KIFAP3: variants seen among roughly 807,000 people sequenced by gnomAD.
The protein encoded by KIFAP3 is kinesin-associated protein 3.
KIFAP3 carries 68 observed loss-of-function variants against 106.5 expected under a neutral mutation model. That is an observed-to-expected ratio of 0.64 (90% CI 0.53 to 0.78). The LOEUF is 0.78. KIFAP3 is among the 30% of genes least tolerant of loss of function. The pLI, the probability that KIFAP3 is intolerant of heterozygous loss-of-function variation, is 0.00. For missense variants in KIFAP3, 780 were observed against 941.8 expected, an observed-to-expected ratio of 0.83 and a Z score of 2.25; for synonymous variants, 320 against 311.5, an observed-to-expected ratio of 1.03 and a Z score of -0.29.
At chr1:170,076,229 C>CA (rs1316236525), upstream of KIFAP3, among the ~76,000 whole-genome samples, 1 of 151,616 alleles carries the variant, frequency 6.6e-6, no homozygotes, top group Non-Finnish European at 1.5e-5. Context: ...ACAACAACAA[C>CA]AAAAAAACCT....
chr1:169,944,684 A>G (rs900994653), intron 19 of KIFAP3, among the ~76,000 whole-genome samples: 5 of 152,080 alleles, frequency 3.3e-5, no homozygotes, highest in African/African-American at 1.2e-4. Context: ...CTCTCAGGAG[A>G]CCCAAAGTAG....
At chr1:170,048,846 T>C (rs1477556126) in intron 2 of KIFAP3, among the ~76,000 whole-genome samples, 1 of 152,080 alleles carries the variant, frequency 6.6e-6, no homozygotes. Context: ...ATCAGGAGAA[T>C]CCTTGGTGAG....
intron 9 of KIFAP3, 141 bp from the exon 10 acceptor site, chr1:170,016,765 G>A: frequency 2.0e-6 from 1 of 501,896 alleles, no homozygotes; most frequent in South Asian, 5.2e-5. Flanking sequence ...ATTTCATTCT[G>A]TAAACTTTCC....
In KIFAP3 at chr1:169,997,724, G is replaced by T. The variant is rs148940485; in HGVS notation, c.1184-5469C>A. On this transcript the variant is annotated intron_variant, in intron 10 of 19. Transcript: ENST00000361580. ...TGTCTCTACTAAAACATAAAAATTT[G>T]CCAGGCATGATGGCAGGTGCCTATA... is the stretch of plus-strand genomic sequence containing the variant. 1.7e-3 allele frequency among the ~76,000 whole-genome samples: 261 copies of T among 151,962 alleles called. 1 individual carries two copies. The highest frequency in any genetic ancestry group is 6.1e-3 in the African/African-American group (254 of 41,460).
intron 19 of KIFAP3, among the ~76,000 whole-genome samples, chr1:169,940,420 C>A (rs1664044958): frequency 6.6e-6 from 1 of 152,208 alleles, no homozygotes; most frequent in Non-Finnish European, 1.5e-5. Context: ...AGAGCAGCAG[C>A]CCCGAACCTT....
chr1:170,036,957 T>C (rs983767841), intron 5 of KIFAP3, among the ~76,000 whole-genome samples: 3 of 152,198 alleles, frequency 2.0e-5, no homozygotes, highest in Admixed American at 2.0e-4. Flanking sequence ...TTTTCACAGA[T>C]TATGATGAAG....
chr1:170,045,246 T>G (rs937060117), intron 3 of KIFAP3, among the ~76,000 whole-genome samples: 3 of 152,096 alleles, frequency 2.0e-5, no homozygotes, highest in Non-Finnish European at 1.5e-5. Flanking sequence ...GTTCCTCACC[T>G]GCGATAAGTA....
At chr1:169,996,112 A>G (rs1283780719) in intron 10 of KIFAP3, among the ~76,000 whole-genome samples, 2 of 152,168 alleles carry the variant, frequency 1.3e-5, no homozygotes, top group African/African-American at 4.8e-5. Flanking sequence ...TTCCAAAAGT[A>G]GGATGATTCA....
At chr1:170,034,535 C>T (rs1669578976) in intron 6 of KIFAP3, 39 bp from the exon 7 acceptor site, 1 of 1,146,630 alleles carries the variant, frequency 8.7e-7, no homozygotes, top group East Asian at 2.8e-5. Context: ...TAAAAGAATA[C>T]ATTTTATGGG....
At chr1:170,024,899 A>C (rs1476506974) in intron 8 of KIFAP3, among the ~76,000 whole-genome samples, 4 of 152,126 alleles carry the variant, frequency 2.6e-5, no homozygotes, top group African/African-American at 4.8e-5. Flanking sequence ...TTAGAGTTTA[A>C]TAGAAATCAA....
At chr1:170,029,197 A>G (rs895610046) in intron 8 of KIFAP3, among the ~76,000 whole-genome samples, 2 of 152,178 alleles carry the variant, frequency 1.3e-5, no homozygotes, top group East Asian at 1.9e-4. Flanking sequence ...TCTACATCCT[A>G]TATCTTTATG....
chr1:169,958,680 T>C (rs1410173212), intron 18 of KIFAP3, among the ~76,000 whole-genome samples: 2 of 152,288 alleles, frequency 1.3e-5, no homozygotes, highest in East Asian at 3.9e-4. Flanking sequence ...CATACTAAGA[T>C]TCACTAAAAT....
intron 13 of KIFAP3, 141 bp downstream of exon 13, chr1:169,983,129 G>A: frequency 1.6e-6 from 1 of 631,050 alleles, no homozygotes; most frequent in Admixed American, 3.2e-5. Flanking sequence ...ATTTCTAGGT[G>A]CTAAACTAAC....
chr1:170,050,014 G>C (rs900836885), intron 2 of KIFAP3, among the ~76,000 whole-genome samples: 5 of 152,142 alleles, frequency 3.3e-5, no homozygotes, highest in African/African-American at 1.2e-4. Flanking sequence ...CCAGAAGTAG[G>C]CATCAGAAGG....
chr1:170,064,380 G>T (rs1671330533), intron 1 of KIFAP3, among the ~76,000 whole-genome samples: 1 of 152,106 alleles, frequency 6.6e-6, no homozygotes. Flanking sequence ...TTGAGAAAGG[G>T]TCTCACTCTT....
At chr1:169,921,877 T>G in intron 19 of KIFAP3, 96 bp from the exon 20 acceptor site, 9 of 874,972 alleles carry the variant, frequency 1.0e-5, no homozygotes, top group Non-Finnish European at 1.6e-5. Flanking sequence ...CAAGATTCTC[T>G]TCCTAGCAGG....
intron 3 of KIFAP3, among the ~76,000 whole-genome samples, chr1:170,039,584 G>A (rs1446873624): frequency 6.6e-6 from 1 of 151,998 alleles, no homozygotes; most frequent in African/African-American, 2.4e-5. Context: ...AAGCAAAATA[G>A]TCTGTTCTAA....
At chr1:170,082,556 T>A (rs1053621259) in intron 1 of KIFAP3, among the ~76,000 whole-genome samples, 6 of 152,244 alleles carry the variant, frequency 3.9e-5, no homozygotes, top group Non-Finnish European at 7.3e-5. Context: ...TTAAAAATTT[T>A]GTATAAAAAT....
intron 9 of KIFAP3, among the ~76,000 whole-genome samples, chr1:170,017,256 A>T (rs902177871): frequency 4.9e-4 from 7 of 14,288 alleles, no homozygotes; most frequent in African/African-American, 2.6e-3. Context: ...AGACTGTCTC[A>T]AAAAAAAAAA....
Sources: allele counts gnomAD v4.1 joint callset (sites outside exome capture counted in the v4.1 genomes callset), GRCh38; gene constraint gnomAD v4.1.1; transcripts MANE v1.5; gene names NCBI Gene and HGNC (gene_info 2026-07-23, HGNC 2026-07-21).